RUNX3: variants seen among roughly 807,000 people sequenced by gnomAD.
RUNX3 encodes runt-related transcription factor 3.
Under a neutral mutation model 27.7 loss-of-function variants are expected in RUNX3, and 10 were observed. That is an observed-to-expected ratio of 0.36 (90% CI 0.22 to 0.61). The LOEUF (loss-of-function observed/expected upper bound fraction) is 0.61. Ranked by LOEUF, RUNX3 falls within the 20% of genes least tolerant of loss-of-function variation. The pLI is 0.72. For missense variants in RUNX3, 469 were observed against 629.5 expected (o/e 0.75, Z 2.73); for synonymous variants, 270 against 269.2 (o/e 1.00, Z -0.03).
chr1:24,964,488 C>T (rs891787649), intron 2 of RUNX3: 4 of 1,593,180 alleles, frequency 2.5e-6, no homozygotes. Flanking sequence ...GCTCCCCACC[C>T]AGGGCCCTGG....
intron 1 of RUNX3, among the ~76,000 whole-genome samples, chr1:24,928,065 T>A (rs1641134136): frequency 6.6e-6 from 1 of 152,214 alleles, no homozygotes; most frequent in Non-Finnish European, 1.5e-5. Context: ...TCCCCTGTTG[T>A]CTTCGGCTGC....
At chr1:24,938,754 C>T (rs1047741429) in intron 2 of RUNX3, among the ~76,000 whole-genome samples, 2 of 152,102 alleles carry the variant, frequency 1.3e-5, no homozygotes, top group Non-Finnish European at 1.5e-5. Context: ...CCTCTTTGCC[C>T]TTCTGACTTC....
intron 2 of RUNX3, among the ~76,000 whole-genome samples, chr1:24,964,157 A>G (rs1557867607): frequency 1.3e-5 from 2 of 152,160 alleles, no homozygotes; most frequent in East Asian, 1.9e-4. Context: ...CCCAGGCAGG[A>G]CAGGGGCTGG....
chr1:24,944,693 G>T (rs570282343), intron 2 of RUNX3, among the ~76,000 whole-genome samples: 1 of 152,202 alleles, frequency 6.6e-6, no homozygotes, highest in East Asian at 1.9e-4. Context: ...AGATGGCAGC[G>T]TGGGAAAAAC....
At chr1:24,929,348 GC>G (rs1465677724) in intron 1 of RUNX3, 1 of 693,416 alleles carries the variant, frequency 1.4e-6, no homozygotes, top group African/African-American at 1.8e-5. Flanking sequence ...TACGCAAGGC[GC>G]CCCAAAACCC....
chr1:24,953,097 T>G (rs938767524), intron 2 of RUNX3, among the ~76,000 whole-genome samples: 16 of 152,080 alleles, frequency 1.1e-4, no homozygotes, highest in African/African-American at 3.6e-4. Context: ...CAGGGCGCGG[T>G]GGCTCAAGCC....
chr1:24,948,000 A>G (rs1429582854), intron 2 of RUNX3, among the ~76,000 whole-genome samples: 1 of 152,186 alleles, frequency 6.6e-6, no homozygotes, highest in East Asian at 1.9e-4. Flanking sequence ...CTGTCAGACA[A>G]TGGGACCCTC....
chr1:24,930,280 G>T, upstream of RUNX3: 1 of 979,158 alleles, frequency 1.0e-6, no homozygotes, highest in Non-Finnish European at 1.2e-6. This position sits in a 1 kb window ranked among gnomAD's most constrained non-coding sequence, Gnocchi z 4.1. Flanking sequence ...AAGTGGCGGG[G>T]CCGCGGCCGC....
intron 3 of RUNX3, 122 bp downstream of exon 3, chr1:24,919,118 G>C (rs1640944574): frequency 3.3e-6 from 2 of 601,236 alleles, no homozygotes; most frequent in African/African-American, 1.9e-5. Flanking sequence ...AGTGTGTGGG[G>C]GCACAGAGCC....
Position 24,929,879 on chromosome 1 carries a change from G to T in RUNX3, c.-11C>A. On this transcript the variant is annotated 5_prime_UTR_variant, in exon 1 of 5. Transcript: ENST00000308873. The stretch of plus-strand genomic sequence containing the variant: ...TACGGGAATACGCATAACAGCGGCC[G>T]TCAGGGCGCCGGGCAGGCGGAGACG... 3.9e-6 allele frequency: 5 copies of T among 1,279,746 alleles called. No homozygotes were observed. Among genetic ancestry groups the T allele is most frequent in the Non-Finnish European group, 4.9e-6 (5 of 1,016,488 alleles). The allele number at this position is 1,279,746 out of a possible 1,614,324, so 79.3% of individuals were successfully genotyped here. A position where few individuals can be genotyped will look rare whatever the true frequency, so the allele number is the denominator to read the frequency against.
intron 2 of RUNX3, among the ~76,000 whole-genome samples, chr1:24,938,912 A>G (rs1641410587): frequency 3.3e-5 from 5 of 152,032 alleles, no homozygotes; most frequent in African/African-American, 9.7e-5. Context: ...GTAAGTTTCT[A>G]TTTCTCTATT....
At chr1:24,907,128 C>A in intron 4 of RUNX3, 131 bp downstream of exon 4, 1 of 912,852 alleles carries the variant, frequency 1.1e-6, no homozygotes, top group Non-Finnish European at 1.6e-6. Context: ...TGAGCACCAG[C>A]AGCTCCTCTA....
Position 24,951,215 on chromosome 1 carries a change from A to AAAAT in RUNX3, c.58+13298_58+13299insATTT, listed in dbSNP as rs1180604050. On this transcript the variant is annotated intron_variant, in intron 2 of 6. Coordinates refer to the RUNX3 transcript ENST00000338888. ...GAGAGACTCCATCTCAAAAAAAAAA[A>AAAAT]AAAAAAAATAAGGCAGCATGGGTGC... is the stretch of plus-strand genomic sequence containing the variant. Among the ~76,000 whole-genome samples the AAAAT allele has an allele frequency of 2.7e-5, 4 of 150,870 alleles. No homozygotes were observed. The East Asian group carries it at 7.8e-4, about 29-fold the overall frequency.
upstream of RUNX3, chr1:24,930,353 G>T: frequency 2.2e-6 from 1 of 461,514 alleles, no homozygotes; most frequent in Non-Finnish European, 2.8e-6. The surrounding 1 kb of genome is among the most constrained non-coding windows in gnomAD (Gnocchi z 4.1). Flanking sequence ...GCGTCGCACA[G>T]CCAATCGGCG....
intron 1 of RUNX3, 191 bp downstream of exon 1, chr1:24,929,396 G>A (rs1641166523): frequency 5.6e-6 from 4 of 712,386 alleles, no homozygotes; most frequent in African/African-American, 1.7e-5. Flanking sequence ...AGTCATTCCT[G>A]CAGGGCGCAT....
chr1:24,948,616 G>A (rs529302822), intron 2 of RUNX3, among the ~76,000 whole-genome samples: 49 of 149,862 alleles, frequency 3.3e-4, no homozygotes, highest in Non-Finnish European at 6.7e-4. Context: ...AGGGGTACAT[G>A]CAGGATGGGT....
intron 3 of RUNX3, among the ~76,000 whole-genome samples, chr1:24,914,054 A>T (rs1416026538): frequency 6.6e-6 from 1 of 152,200 alleles, no homozygotes; most frequent in East Asian, 1.9e-4. Flanking sequence ...GGTGTGTGGC[A>T]CCCCTGAGAT....
In RUNX3 at chr1:24,962,418, G is replaced by A. The variant is rs768200424; in HGVS notation, c.58+2096C>T. On this transcript the variant is annotated intron_variant, in intron 2 of 6. Transcript: ENST00000338888. This position sits in a 1 kb window ranked among gnomAD's most constrained non-coding sequence, Gnocchi z 4.5. ...CGGTGGGTTAGGGACCCTGTAGGGG[G>A]CAGCGTGGGGTTGGCACCCTGCAAA... 6.6e-6 allele frequency among the ~76,000 whole-genome samples: 1 copy of A among 152,252 alleles called. No individual in the cohort carries two copies. Among genetic ancestry groups the A allele is most frequent in the Non-Finnish European group, 1.5e-5 (1 of 68,042 alleles).
intron 2 of RUNX3, 84 bp from the exon 3 acceptor site, chr1:24,919,428 G>A: frequency 1.1e-6 from 1 of 873,102 alleles, no homozygotes; most frequent in Non-Finnish European, 1.9e-6. Flanking sequence ...TCTACCCCTG[G>A]AAGCCCCTAA....
Sources: allele counts gnomAD v4.1 joint callset (sites outside exome capture counted in the v4.1 genomes callset), GRCh38; gene constraint gnomAD v4.1.1; non-coding constraint Gnocchi (gnomAD v3.1); transcripts MANE v1.5; gene names NCBI Gene and HGNC (gene_info 2026-07-23, HGNC 2026-07-21).